The following TMEM117 variants were observed in gnomAD, a reference collection of about 807,000 sequenced individuals.
The protein encoded by TMEM117 is transmembrane protein 117.
TMEM117 carries 27 observed loss-of-function variants against 52.4 expected under a neutral mutation model. The observed-to-expected ratio is 0.51, with a 90% CI of 0.38 to 0.71. The LOEUF is 0.71. Ranked by LOEUF, TMEM117 falls within the 30% of genes least tolerant of loss-of-function variation. TMEM117 has a pLI of 0.00. For synonymous variants in TMEM117, 215 were observed against 206.3 expected, an observed-to-expected ratio of 1.04 and a Z score of -0.36; for missense variants, 556 against 630.5, an observed-to-expected ratio of 0.88 and a Z score of 1.26.
intron 3 of TMEM117, among the ~76,000 whole-genome samples, chr12:44,115,469 G>A (rs776295807): frequency 2.0e-5 from 3 of 152,024 alleles, no homozygotes; most frequent in South Asian, 2.1e-4. Context: ...TAAAAAACCC[G>A]CTATGCCATT....
the TMEM117 span, among the ~76,000 whole-genome samples, chr12:43,813,672 A>C: frequency 6.6e-6 from 1 of 151,862 alleles, no homozygotes; most frequent in Non-Finnish European, 1.5e-5. Flanking sequence ...TGTTTTCTAC[A>C]CTCTCAAAGA....
At chr12:44,108,565 A>G (rs1183546266) in intron 3 of TMEM117, among the ~76,000 whole-genome samples, 3 of 90,996 alleles carry the variant, frequency 3.3e-5, no homozygotes, top group Non-Finnish European at 5.6e-5. Context: ...ATAGTATTCC[A>G]TGGTGTATAT....
chr12:44,332,712 T>TACAC (rs34633299), intron 6 of TMEM117, among the ~76,000 whole-genome samples: 27,116 of 143,020 alleles, frequency 0.19, 2,742 homozygotes, highest in Non-Finnish European at 0.25. Flanking sequence ...CTACTGTTAC[T>TACAC]ACACACACAC....
intron 2 of TMEM117, among the ~76,000 whole-genome samples, chr12:43,863,528 T>C (rs1943527069): frequency 6.6e-6 from 1 of 152,200 alleles, no homozygotes; most frequent in Admixed American, 6.5e-5. Context: ...ATTTGGGGAC[T>C]CAGAGCATGG....
chr12:44,136,863 C>T (rs1216787197), intron 3 of TMEM117, among the ~76,000 whole-genome samples: 11 of 151,976 alleles, frequency 7.2e-5, no homozygotes, highest in African/African-American at 1.7e-4. Context: ...GATACAATAA[C>T]GCTCTATTCT....
chr12:44,039,484 T>C (rs1032497433), intron 3 of TMEM117, among the ~76,000 whole-genome samples: 1 of 151,610 alleles, frequency 6.6e-6, no homozygotes, highest in Non-Finnish European at 1.5e-5. Context: ...TTTTGTTCTT[T>C]CATGTAAATT....
chr12:44,165,639 A>G (rs1010645380), intron 4 of TMEM117, among the ~76,000 whole-genome samples: 2 of 152,234 alleles, frequency 1.3e-5, no homozygotes, highest in African/African-American at 4.8e-5. Context: ...AGGTCATTAC[A>G]TAATGATAAA....
chr12:44,083,568 A>T (rs907054737), intron 3 of TMEM117: 1 of 151,346 alleles, frequency 6.6e-6, no homozygotes, highest in Non-Finnish European at 1.5e-5. Context: ...ACGCCGGGCT[A>T]ATTTTTTGTA....
chr12:43,826,820 C>T, the TMEM117 span, among the ~76,000 whole-genome samples: 18 of 151,978 alleles, frequency 1.2e-4, no homozygotes, highest in African/African-American at 3.6e-4. Context: ...AATAGAGTTG[C>T]GTGATACTGG....
intron 5 of TMEM117, among the ~76,000 whole-genome samples, chr12:44,288,531 A>C (rs921958021): frequency 6.6e-6 from 1 of 152,134 alleles, no homozygotes; most frequent in Non-Finnish European, 1.5e-5. Flanking sequence ...TTATATAAAT[A>C]TGTCAAATAA....
intron 2 of TMEM117, among the ~76,000 whole-genome samples, chr12:43,931,476 C>T (rs1024187574): frequency 6.6e-5 from 10 of 151,826 alleles, no homozygotes; most frequent in Admixed American, 2.0e-4. Context: ...AAGAAGAGCC[C>T]GGGAATGATA....
At chr12:44,169,923 A>G (rs1458325077) in intron 4 of TMEM117, among the ~76,000 whole-genome samples, 2 of 152,180 alleles carry the variant, frequency 1.3e-5, no homozygotes, top group Admixed American at 1.3e-4. Flanking sequence ...ATACCATTTG[A>G]CCCAGCCATC....
chr12:43,943,476 A>T (rs1030227826), intron 2 of TMEM117, among the ~76,000 whole-genome samples: 3 of 152,112 alleles, frequency 2.0e-5, no homozygotes, highest in African/African-American at 7.2e-5. Flanking sequence ...TTTAGTGTTC[A>T]TCTTAATATA....
chr12:44,290,245 A>AT (rs149679925), intron 5 of TMEM117, among the ~76,000 whole-genome samples: 7,176 of 152,060 alleles, frequency 0.047, 341 homozygotes, highest in African/African-American at 0.12. Flanking sequence ...CCGTTTGCTT[A>AT]TTTTTATTTT....
chr12:44,095,216 A>C (rs1228549849), intron 3 of TMEM117, among the ~76,000 whole-genome samples: 2 of 152,112 alleles, frequency 1.3e-5, no homozygotes, highest in Non-Finnish European at 2.9e-5. Flanking sequence ...AGTTTAGTGA[A>C]AGTCTGATCC....
At chr12:44,005,820 A>G (rs1184186838) in intron 3 of TMEM117, among the ~76,000 whole-genome samples, 1 of 152,160 alleles carries the variant, frequency 6.6e-6, no homozygotes, top group Non-Finnish European at 1.5e-5. Flanking sequence ...TATTCTTGTG[A>G]TAGTGAATAA....
At chr12:44,041,097 CT>C (rs1318887006) in intron 3 of TMEM117, among the ~76,000 whole-genome samples, 2 of 152,094 alleles carry the variant, frequency 1.3e-5, no homozygotes, top group Non-Finnish European at 2.9e-5. Flanking sequence ...ACATAGTATT[CT>C]TTTTTTAAAT....
intron 3 of TMEM117, among the ~76,000 whole-genome samples, chr12:43,989,807 A>G (rs1304877320): frequency 1.3e-5 from 2 of 152,080 alleles, no homozygotes; most frequent in African/African-American, 4.8e-5. Flanking sequence ...AGCCTCAAAC[A>G]ATAATCTGGA....
chr12:43,976,944 T>C (rs1311690942), intron 3 of TMEM117, among the ~76,000 whole-genome samples: 1 of 152,150 alleles, frequency 6.6e-6, no homozygotes, highest in East Asian at 1.9e-4. Context: ...TAGTATTACT[T>C]GGCACCTCAG....
Sources: gnomAD v4.1 joint callset for allele counts (sites outside exome capture counted in the v4.1 genomes callset) on GRCh38, gnomAD v4.1.1 for gene constraint, MANE v1.5 for transcripts, NCBI Gene and HGNC (gene_info 2026-07-23, HGNC 2026-07-21) for gene names.